NOL4: variants seen among roughly 807,000 people sequenced by gnomAD.
The protein encoded by NOL4 is nucleolar protein 4.
A neutral mutation model predicts 75.9 loss-of-function variants in NOL4; 17 were observed. The ratio of observed to expected loss-of-function variants is 0.22; its 90% CI spans 0.15 to 0.34. NOL4 has a LOEUF of 0.34. NOL4 is among the 10% of genes least tolerant of loss of function. NOL4 has a pLI of 1.00. For synonymous variants in NOL4, 292 were observed against 289.9 expected (o/e 1.01, Z -0.07); for missense variants, 614 against 793.5 (o/e 0.77, Z 2.72).
chr18:34,208,820 C>T (rs896338712), intron 1 of NOL4, among the ~76,000 whole-genome samples: 2 of 152,024 alleles, frequency 1.3e-5, no homozygotes, highest in African/African-American at 4.8e-5. Context: ...CGAGATTGCG[C>T]CACTGCACTC....
rs2037507338 is a variant in NOL4, at chr18:34,224,784, T to A, written c.-1531A>T. The stretch of plus-strand genomic sequence containing the variant: ...CGGCCAGGCTGAGTGTGTGCGTGTG[T>A]GTGAGCAAGGGAGCGAGGGTGTGCG... On this transcript the variant is annotated 5_prime_UTR_variant, in exon 1 of 11. Transcript: ENST00000261592. The A allele has an allele frequency of 6.5e-6, 1 of 154,342 alleles. No individual in the cohort carries two copies. The highest frequency in any genetic ancestry group is 2.4e-5 in the African/African-American group (1 of 41,504). 9.6% of individuals were successfully genotyped at this position (154,342 alleles called of 1,614,324 possible). A position where few individuals can be genotyped will look rare whatever the true frequency, so the allele number is the denominator to read the frequency against.
At chr18:34,142,191 G>A (rs1600711846) in intron 1 of NOL4, among the ~76,000 whole-genome samples, 1 of 152,190 alleles carries the variant, frequency 6.6e-6, no homozygotes, top group South Asian at 2.1e-4. Flanking sequence ...ACAGGTGCTG[G>A]AGAGGATGTG....
chr18:34,196,346 T>C (rs2035329589), intron 1 of NOL4, among the ~76,000 whole-genome samples: 1 of 152,126 alleles, frequency 6.6e-6, no homozygotes, highest in African/African-American at 2.4e-5. Flanking sequence ...GCTGACAACA[T>C]TATATGACAT....
chr18:34,185,973 C>T (rs1327883067), intron 1 of NOL4, among the ~76,000 whole-genome samples: 1 of 152,146 alleles, frequency 6.6e-6, no homozygotes, highest in African/African-American at 2.4e-5. Context: ...TTTCTTACTT[C>T]ATTTTAGTGA....
chr18:33,894,189 GA>G (rs1221853854), intron 9 of NOL4, among the ~76,000 whole-genome samples: 16 of 151,958 alleles, frequency 1.1e-4, no homozygotes, highest in Non-Finnish European at 1.5e-5. Flanking sequence ...GAGTTTCCAG[GA>G]AAATTCATAG....
intron 5 of NOL4, among the ~76,000 whole-genome samples, chr18:34,041,928 T>G (rs2144811808): frequency 6.6e-6 from 1 of 152,160 alleles, no homozygotes; most frequent in East Asian, 1.9e-4. Context: ...TGGGATATAA[T>G]TTATTCTATC....
chr18:34,105,678 T>C (rs2079239860), intron 2 of NOL4, among the ~76,000 whole-genome samples: 3 of 151,994 alleles, frequency 2.0e-5, no homozygotes, highest in African/African-American at 7.2e-5. Context: ...ATGTATATAT[T>C]TACTGCAGTG....
At chr18:34,117,208 T>A (rs1445132208) in intron 2 of NOL4, among the ~76,000 whole-genome samples, 1 of 152,188 alleles carries the variant, frequency 6.6e-6, no homozygotes, top group East Asian at 1.9e-4. Flanking sequence ...ATTACCATGA[T>A]CACTATCATG....
chr18:33,920,658 C>A (rs777811329), intron 9 of NOL4, among the ~76,000 whole-genome samples: 7 of 152,104 alleles, frequency 4.6e-5, no homozygotes, highest in Non-Finnish European at 1.0e-4. Context: ...TCCAATCAAC[C>A]ATTTTAGTAG....
intron 6 of NOL4, among the ~76,000 whole-genome samples, chr18:33,977,815 G>A (rs2071622935): frequency 6.6e-6 from 1 of 152,110 alleles, no homozygotes; most frequent in Non-Finnish European, 1.5e-5. Context: ...CCCAATCTCA[G>A]TGACTAAATA....
chr18:34,123,887 C>A (rs920998229), intron 2 of NOL4, among the ~76,000 whole-genome samples: 3 of 151,520 alleles, frequency 2.0e-5, no homozygotes, highest in African/African-American at 7.3e-5. Flanking sequence ...TACTGATAAA[C>A]TCTCTAAGGT....
chr18:34,172,891 A>AT (rs1376461834), intron 1 of NOL4, among the ~76,000 whole-genome samples: 2 of 151,964 alleles, frequency 1.3e-5, no homozygotes, highest in Admixed American at 6.6e-5. Context: ...AGTATCTTGC[A>AT]TTTTTTATAT....
chr18:33,932,918 A>G (rs73414369), intron 9 of NOL4, among the ~76,000 whole-genome samples: 1,826 of 151,920 alleles, frequency 0.012, 34 homozygotes, highest in African/African-American at 0.041. Context: ...TGTTATTGAC[A>G]TTATTATTAA....
rs180686679 is a variant in NOL4 at position 33,916,625 on chromosome 18, T to A, written c.1542+26440A>T. Among the ~76,000 whole-genome samples the A allele has an allele frequency of 4.6e-3, 702 of 152,314 alleles. 6 individuals carry two copies. The highest frequency in any genetic ancestry group is 0.015 in the African/African-American group (626 of 41,580). On this transcript the variant is annotated intron_variant, in intron 9 of 10. Transcript: ENST00000261592. The stretch of plus-strand genomic sequence containing the variant: ...CATAGTTTTAATATCCAATGCTTAT[T>A]TACTTTAATGTAAAATCTGTGCCAA...
intron 1 of NOL4, among the ~76,000 whole-genome samples, chr18:34,194,841 A>G (rs2035207255): frequency 6.6e-6 from 1 of 152,088 alleles, no homozygotes; most frequent in African/African-American, 2.4e-5. Context: ...TCTGACCAAC[A>G]TGGATAAACT....
intron 1 of NOL4, among the ~76,000 whole-genome samples, chr18:34,179,985 T>C (rs1248073267): frequency 6.6e-6 from 1 of 151,278 alleles, no homozygotes; most frequent in Middle Eastern, 3.4e-3. Context: ...ATTAAACAGA[T>C]TGAAAAAAAA....
chr18:33,961,767 G>A (rs2070145482), intron 6 of NOL4, among the ~76,000 whole-genome samples: 2 of 151,952 alleles, frequency 1.3e-5, no homozygotes, highest in African/African-American at 4.8e-5. Flanking sequence ...ACACTACACA[G>A]GATTTCAGCA....
intron 6 of NOL4, among the ~76,000 whole-genome samples, chr18:34,017,713 T>G (rs190436708): frequency 6.6e-6 from 1 of 152,266 alleles, no homozygotes; most frequent in East Asian, 1.9e-4. Flanking sequence ...ACATTGTCCA[T>G]TGGAGCTGCC....
At chr18:34,115,693 T>A (rs1045333320) in intron 2 of NOL4, among the ~76,000 whole-genome samples, 1 of 152,066 alleles carries the variant, frequency 6.6e-6, no homozygotes, top group African/African-American at 2.4e-5. Flanking sequence ...TAAAAACCCT[T>A]GCATTTCCCT....
Sources: allele counts gnomAD v4.1 joint callset (sites outside exome capture counted in the v4.1 genomes callset), GRCh38; gene constraint gnomAD v4.1.1; transcripts MANE v1.5; gene names NCBI Gene and HGNC (gene_info 2026-07-23, HGNC 2026-07-21).